Variants in TTC13 observed in about 807,000 individuals in gnomAD.
TTC13 encodes the protein tetratricopeptide repeat protein 13.
TTC13 carries 62 observed loss-of-function variants against 120.0 expected under a neutral mutation model. The ratio of observed to expected loss-of-function variants is 0.52; its 90% confidence interval spans 0.42 to 0.64. The LOEUF (loss-of-function observed/expected upper bound fraction) is 0.64. TTC13 is among the 30% of genes least tolerant of loss of function. The pLI is 0.00. For synonymous variants in TTC13, 384 were observed against 393.5 expected (o/e 0.98, Z 0.28); for missense variants, 824 against 1,050.2 (o/e 0.78, Z 2.98).
chr1:230,946,495 C>G (rs1002605949), intron 4 of TTC13, among the ~76,000 whole-genome samples: 15 of 152,220 alleles, frequency 9.9e-5, no homozygotes, highest in African/African-American at 3.6e-4. Context: ...TGAGATGCAT[C>G]TATATCCAGT....
chr1:230,914,521 A>G (rs1671831182), intron 18 of TTC13, among the ~76,000 whole-genome samples: 1 of 152,068 alleles, frequency 6.6e-6, no homozygotes, highest in Non-Finnish European at 1.5e-5. Context: ...CAGCCTCCAG[A>G]GTAGCTGGAA....
chr1:230,962,666 A>G (rs996165974), intron 1 of TTC13, among the ~76,000 whole-genome samples: 5 of 152,232 alleles, frequency 3.3e-5, no homozygotes, highest in Non-Finnish European at 7.3e-5. Context: ...TAATCACAGT[A>G]GCCAAAAGGG....
At chr1:230,908,479 T>A (rs1299501316) in intron 22 of TTC13, 1 of 549,528 alleles carries the variant, frequency 1.8e-6, no homozygotes, top group African/African-American at 1.9e-5. Flanking sequence ...TATGAGCTAC[T>A]GTGCCTGGCC....
At chr1:230,964,835 A>T (rs751773805) in intron 1 of TTC13, among the ~76,000 whole-genome samples, 1 of 152,228 alleles carries the variant, frequency 6.6e-6, no homozygotes, top group Non-Finnish European at 1.5e-5. Context: ...ACACGCCTAC[A>T]GTGAACTCAT....
chr1:230,912,700 A>G lies in TTC13; in HGVS notation c.2152T>C (p.Tyr718His). The G allele has an allele frequency of 6.2e-7, 1 of 1,612,744 alleles. No homozygotes were observed. The highest frequency in any genetic ancestry group is 8.5e-7 in the Non-Finnish European group (1 of 1,179,420). Reference protein sequence around the residue: ...TQTTEERTQLYHAEIDALYKD... With the variant: ...TQTTEERTQLHHAEIDALYKD... ...TAAAGTGCATCTATTTCAGCATGAT[A>G]TAATTGTGTCCTTTCTTCCGTGGTT... is the stretch of plus-strand genomic sequence containing the variant. The change falls in exon 19 of 23, where the codon TAT becomes CAT. Residue 718 changes from tyrosine to histidine, a missense_variant. By Grantham distance (83) the Tyr-to-His change is moderately conservative. This residue lies in a region of TTC13 where 226 missense variants were observed against 259.1 expected (regional missense o/e 0.87). Transcript: ENST00000366661.
At chr1:230,937,915 A>C (rs1186779291) in intron 8 of TTC13, among the ~76,000 whole-genome samples, 1 of 152,232 alleles carries the variant, frequency 6.6e-6, no homozygotes, top group African/African-American at 2.4e-5. Flanking sequence ...AGCTCAAACC[A>C]AGACCATTCA....
At chr1:230,927,444 A>G (rs1278905962) in intron 12 of TTC13, among the ~76,000 whole-genome samples, 1 of 152,232 alleles carries the variant, frequency 6.6e-6, no homozygotes, top group African/African-American at 2.4e-5. Context: ...AAATCTCATG[A>G]GGCCTTAATT....
In TTC13 at chr1:230,978,852, G is replaced by A. The variant is rs1016408866; in HGVS notation, c.-22C>T. 3.4e-6 allele frequency: 5 copies of A among 1,449,584 alleles called. No homozygotes were observed. In the South Asian group the frequency reaches 4.2e-5, roughly 12 times the overall value. 89.8% of individuals were successfully genotyped at this position (1,449,584 alleles called of 1,614,324 possible). ...CCATCTTCCCTCAAGGCGCATGCGC[G>A]ACAGCCCTTGCCCGGCTCTCAGGCC... On this transcript the variant is annotated 5_prime_UTR_variant, in exon 1 of 23. Coordinates refer to ENST00000366661, the MANE Select transcript of TTC13 (RefSeq NM_024525.5). This position sits in a 1 kb window ranked among gnomAD's most constrained non-coding sequence, Gnocchi z 5.6.
At position 230,978,191 on chromosome 1, in the gene TTC13, C is replaced by A. The variant is rs1438499661; in HGVS notation, c.271+369G>T. ...GTTGCTCGTCCGCCCGCCCCTCCCT[C>A]GCCCCTTCGGCATCCTCGGGAGGCC... is the stretch of plus-strand genomic sequence containing the variant. On this transcript the variant is annotated intron_variant, in intron 1 of 22. Coordinates refer to ENST00000366661, the MANE Select transcript of TTC13 (RefSeq NM_024525.5). This position sits in a 1 kb window ranked among gnomAD's most constrained non-coding sequence, Gnocchi z 5.6. Among the ~76,000 whole-genome samples the A allele has an allele frequency of 6.6e-6, 1 of 152,208 alleles. No individual in the cohort carries two copies. Among genetic ancestry groups the A allele is most frequent in the Non-Finnish European group, 1.5e-5 (1 of 68,032 alleles).
chr1:230,916,820 G>A (rs1190806134), intron 17 of TTC13, among the ~76,000 whole-genome samples: 2 of 152,120 alleles, frequency 1.3e-5, no homozygotes, highest in African/African-American at 2.4e-5. Context: ...CAGATAAGTC[G>A]GTTAAGTTAA....
At chr1:230,947,448 C>T (rs890755127) in intron 4 of TTC13, among the ~76,000 whole-genome samples, 3 of 152,082 alleles carry the variant, frequency 2.0e-5, no homozygotes, top group Non-Finnish European at 4.4e-5. Flanking sequence ...GCCCAGTGAG[C>T]TCATCCTCTA....
intron 20 of TTC13, 89 bp downstream of exon 20, chr1:230,911,381 C>T: frequency 1.1e-6 from 1 of 941,354 alleles, no homozygotes; most frequent in Non-Finnish European, 1.6e-6. Context: ...TCTTTGTGTA[C>T]TCTGTACCTA....
rs1670946639 is a variant in TTC13 at position 230,906,495 on chromosome 1, A to G, written c.*410T>C. 6.5e-6 allele frequency: 1 copy of G among 152,696 alleles called. No individual in the cohort carries two copies. Among genetic ancestry groups the G allele is most frequent in the African/African-American group, 2.4e-5 (1 of 41,466 alleles). The allele number at this position is 152,696 out of a possible 1,614,324, so 9.5% of individuals were successfully genotyped here. On this transcript the variant is annotated 3_prime_UTR_variant, in exon 23 of 23. Coordinates refer to ENST00000366661, the MANE Select transcript of TTC13 (RefSeq NM_024525.5). Reference sequence around the variant, plus strand: ...GAGTCAACAAAAGATGCTCTATCACAATGTGCGTAAAAAGCAAGTCTTTGA... The same window carrying G: ...GAGTCAACAAAAGATGCTCTATCACGATGTGCGTAAAAAGCAAGTCTTTGA...
intron 1 of TTC13, among the ~76,000 whole-genome samples, chr1:230,967,218 G>A (rs977437168): frequency 2.6e-5 from 4 of 151,732 alleles, no homozygotes; most frequent in African/African-American, 9.7e-5. Context: ...TAACGCCACT[G>A]ATTAACAGGC....
chr1:230,923,263 G>C (rs1360498139), intron 15 of TTC13, among the ~76,000 whole-genome samples: 2 of 152,056 alleles, frequency 1.3e-5, no homozygotes, highest in African/African-American at 2.4e-5. Context: ...GGCACATAAA[G>C]AAAGAGTGAA....
intron 4 of TTC13, among the ~76,000 whole-genome samples, chr1:230,948,902 T>C (rs1675266061): frequency 1.3e-5 from 2 of 152,116 alleles, no homozygotes; most frequent in African/African-American, 2.4e-5. Flanking sequence ...CACTCACCCA[T>C]TGCCTCGGTC....
At chr1:230,955,605 A>G (rs1307724285) in intron 3 of TTC13, among the ~76,000 whole-genome samples, 1 of 146,320 alleles carries the variant, frequency 6.8e-6, no homozygotes, top group South Asian at 2.2e-4. Flanking sequence ...CAGGAGGCGG[A>G]GCTTGCAGTG....
chr1:230,946,234 G>T (rs9431615), intron 4 of TTC13, among the ~76,000 whole-genome samples: 20,464 of 152,234 alleles, frequency 0.13, 1,395 homozygotes, highest in Non-Finnish European at 0.15. Flanking sequence ...ATAAACAGCT[G>T]CCTCTGGCTA....
chr1:230,928,449 T>C (rs1673240666), intron 12 of TTC13, among the ~76,000 whole-genome samples: 1 of 152,220 alleles, frequency 6.6e-6, no homozygotes, highest in Admixed American at 6.5e-5. Context: ...AACAATGAGC[T>C]TGCTAAACTC....
Sources: allele counts gnomAD v4.1 joint callset (sites outside exome capture counted in the v4.1 genomes callset), GRCh38; gene constraint gnomAD v4.1.1; regional missense constraint gnomAD v4.1.1; non-coding constraint Gnocchi (gnomAD v3.1); transcripts MANE v1.5; gene names NCBI Gene and HGNC (gene_info 2026-07-23, HGNC 2026-07-21).